RUFY4: variants seen among roughly 807,000 people sequenced by gnomAD.
The protein encoded by RUFY4 is RUN and FYVE domain-containing protein 4.
Under a neutral mutation model 69.0 loss-of-function variants are expected in RUFY4, and 73 were observed. That is an observed-to-expected ratio of 1.06 (90% CI 0.88 to 1.29). The LOEUF (loss-of-function observed/expected upper bound fraction) is 1.29. Among genes scored for constraint, RUFY4 ranks in the 50% most tolerant of loss-of-function variants. The pLI is 0.00. For missense variants in RUFY4, 770 were observed against 705.6 expected (o/e 1.09, Z -1.03); for synonymous variants, 287 against 271.8 (o/e 1.06, Z -0.55).
chr2:218,052,743 T>A (rs1430324450), intron 2 of RUFY4, among the ~76,000 whole-genome samples: 56 of 146,990 alleles, frequency 3.8e-4, no homozygotes, highest in African/African-American at 8.0e-4. Flanking sequence ...TTTTTTTTTT[T>A]TTAAAAAAAA....
At chr2:218,049,511 CTT>C (rs570156063) in intron 2 of RUFY4, among the ~76,000 whole-genome samples, 14 of 142,738 alleles carry the variant, frequency 9.8e-5, no homozygotes, top group Non-Finnish European at 9.2e-5. Context: ...TGTTTTAGGT[CTT>C]TTTTTTTTTT....
At chr2:218,060,682 T>C in intron 3 of RUFY4, 1 of 1,332,006 alleles carries the variant, frequency 7.5e-7, no homozygotes, top group Non-Finnish European at 1.1e-6. Context: ...CATGGTCCAG[T>C]GCTTCTGCCC....
At chr2:218,054,968 A>G (rs771718352) in intron 2 of RUFY4, among the ~76,000 whole-genome samples, 1 of 152,236 alleles carries the variant, frequency 6.6e-6, no homozygotes, top group Non-Finnish European at 1.5e-5. Context: ...AGGAAGATGC[A>G]ATTTAAAATG....
chr2:218,070,684 A>G (rs1425877175), intron 1 of RUFY4, 33 bp downstream of exon 3: 2 of 1,536,558 alleles, frequency 1.3e-6, no homozygotes, highest in Non-Finnish European at 1.7e-6. Flanking sequence ...TCTGGGACTG[A>G]GTCATGGGAG....
chr2:218,073,974 A>G (rs747542413), intron 6 of RUFY4, 89 bp downstream of exon 8: 26 of 1,288,468 alleles, frequency 2.0e-5, no homozygotes, highest in Non-Finnish European at 2.7e-5. Context: ...TCCCCCTCCG[A>G]GTGTACAGAG....
chr2:218,049,098 A>G (rs925998219), intron 2 of RUFY4, among the ~76,000 whole-genome samples: 1 of 152,198 alleles, frequency 6.6e-6, no homozygotes, highest in Non-Finnish European at 1.5e-5. Flanking sequence ...CTGGGGCACT[A>G]CTGGGTCATA....
chr2:218,075,118 A>G, exon 7 of RUFY4: 1 of 1,542,434 alleles, frequency 6.5e-7, no homozygotes, highest in Non-Finnish European at 8.8e-7. Context: ...GGAGGGCCTG[A>G]AAATGTCCAG....
At chr2:218,073,192 G>A (rs1199435947) in intron 4 of RUFY4, 51 bp from the exon 7 acceptor site, 6 of 1,533,472 alleles carry the variant, frequency 3.9e-6, no homozygotes, top group East Asian at 2.5e-5. Flanking sequence ...TGGGGCAGGG[G>A]GAAACAGCAC....
At chr2:218,075,612 C>T (rs1315662796) in exon 7 of RUFY4, 2 of 1,521,948 alleles carry the variant, frequency 1.3e-6, no homozygotes, top group East Asian at 2.3e-5. Context: ...CCTGGGGGAG[C>T]CCTGGGTCCT....
In RUFY4 at chr2:218,075,743, G is replaced by A; in HGVS notation, c.1248+3G>A. ...TGTCCCTGCAGGACGAGATCAAGGT[G>A]AGAACAGTTGAGCTCCATACCTGGT... On this transcript the variant is annotated splice_donor_region_variant and intron_variant, in intron 7 of 10. Coordinates refer to ENST00000344321, the Ensembl canonical transcript of RUFY4. 1 of 1,422,908 alleles carries A rather than the reference G, an allele frequency of 7.0e-7. No homozygotes were observed. The allele number at this position is 1,422,908 out of a possible 1,614,324, so 88.1% of individuals were successfully genotyped here. A position where few individuals can be genotyped will look rare whatever the true frequency, so the allele number is the denominator to read the frequency against.
chr2:218,049,610 A>T (rs1020964465), intron 2 of RUFY4, among the ~76,000 whole-genome samples: 2 of 151,842 alleles, frequency 1.3e-5, no homozygotes, highest in Non-Finnish European at 2.9e-5. Context: ...AGGTTCAGGC[A>T]ATTCTCCTGC....
At chr2:218,045,596 T>A (rs1376486344) in intron 2 of RUFY4, among the ~76,000 whole-genome samples, 1 of 152,210 alleles carries the variant, frequency 6.6e-6, no homozygotes, top group Non-Finnish European at 1.5e-5. Context: ...TAATTTAGCC[T>A]CATCTAATTA....
At chr2:218,044,301 C>A (rs759423206) in intron 2 of RUFY4, among the ~76,000 whole-genome samples, 2 of 152,182 alleles carry the variant, frequency 1.3e-5, no homozygotes, top group Non-Finnish European at 2.9e-5. Context: ...GAAACTTGAC[C>A]TGAATATGTA....
chr2:218,053,095 G>T (rs1386467571), intron 2 of RUFY4, among the ~76,000 whole-genome samples: 1 of 152,012 alleles, frequency 6.6e-6, no homozygotes, highest in South Asian at 2.1e-4. Context: ...AGGTAGCTGG[G>T]ATAACAGGTG....
chr2:218,068,955 T>C, upstream of RUFY4: 1 of 152,368 alleles, frequency 6.6e-6, no homozygotes, highest in Admixed American at 6.5e-5. Flanking sequence ...CGGAGCTCCA[T>C]GGCCTCCCTC....
chr2:218,042,716 T>C (rs1261215008), intron 2 of RUFY4, among the ~76,000 whole-genome samples: 2 of 152,046 alleles, frequency 1.3e-5, no homozygotes, highest in African/African-American at 4.8e-5. Context: ...ATCATCCAGC[T>C]TCAGCTTGAA....
At chr2:218,056,040 C>T (rs181049180) in intron 2 of RUFY4, among the ~76,000 whole-genome samples, 41 of 152,262 alleles carry the variant, frequency 2.7e-4, no homozygotes, top group East Asian at 7.7e-4. Context: ...TATCCCAGCA[C>T]GAATTTTTGT....
chr2:218,088,928 C>CGT (rs1559440089), intron 9 of RUFY4, among the ~76,000 whole-genome samples: 1 of 147,628 alleles, frequency 6.8e-6, no homozygotes, highest in African/African-American at 2.5e-5. Flanking sequence ...TCTCTCCAAT[C>CGT]CTCTCTCTCT....
chr2:218,061,943 T>A (rs576396369), intron 3 of RUFY4, among the ~76,000 whole-genome samples: 2 of 152,222 alleles, frequency 1.3e-5, no homozygotes, highest in African/African-American at 4.8e-5. Flanking sequence ...CTGAAAGTTA[T>A]TTTGAAAGAA....
Sources: gnomAD v4.1 joint callset for allele counts (sites outside exome capture counted in the v4.1 genomes callset) on GRCh38, gnomAD v4.1.1 for gene constraint, MANE v1.5 for transcripts, NCBI Gene and HGNC (gene_info 2026-07-23, HGNC 2026-07-21) for gene names.